The following TYW1B variants were observed in gnomAD, a reference collection of about 807,000 sequenced individuals.
The protein encoded by TYW1B is tRNA-yW synthesizing protein 1 homolog B, also known as S-adenosyl-L-methionine-dependent tRNA 4-demethylwyosine synthase TYW1B.
TYW1B carries 73 observed loss-of-function variants against 86.9 expected under a neutral mutation model. The ratio of observed to expected loss-of-function variants is 0.84; its 90% CI spans 0.70 to 1.02. TYW1B has a LOEUF of 1.02. TYW1B is among the 50% of genes least tolerant of loss of function. The probability of loss-of-function intolerance (pLI) is 0.00; values close to 1 mark genes in which losing one functional copy is unlikely to be tolerated. For missense variants in TYW1B, 637 were observed against 827.4 expected (o/e 0.77, Z 2.82); for synonymous variants, 248 against 292.8 (o/e 0.85, Z 1.56).
At chr7:72,737,588 T>C (rs1280234782) in intron 8 of TYW1B, among the ~76,000 whole-genome samples, 1 of 152,186 alleles carries the variant, frequency 6.6e-6, no homozygotes, top group Non-Finnish European at 1.5e-5. Context: ...TAGTGTAAAC[T>C]GTGAAACAAG....
intron 2 of TYW1B, among the ~76,000 whole-genome samples, chr7:72,824,847 T>C (rs1356163605): frequency 6.6e-6 from 1 of 152,016 alleles, no homozygotes; most frequent in African/African-American, 2.4e-5. Flanking sequence ...CTCACGACTG[T>C]AATCCCAACA....
At chr7:72,785,406 T>C in intron 6 of TYW1B, among the ~76,000 whole-genome samples, 1 of 147,634 alleles carries the variant, frequency 6.8e-6, no homozygotes, top group Middle Eastern at 3.6e-3. Context: ...TATATAATTC[T>C]AATATAATTA....
chr7:72,659,137 G>A (rs1349985076), intron 11 of TYW1B, among the ~76,000 whole-genome samples: 1 of 152,230 alleles, frequency 6.6e-6, no homozygotes, highest in Non-Finnish European at 1.5e-5. Flanking sequence ...GGGGCTAAAT[G>A]TGACAAGAAC....
rs1786952437 is a variant in TYW1B, at chr7:72,723,988, G to GT, written c.1192+4833_1192+4834insA. 4.0e-5 allele frequency among the ~76,000 whole-genome samples: 3 copies of GT among 74,962 alleles called. No individual in the cohort carries two copies. The East Asian group carries it at 7.4e-4, about 18-fold the overall frequency. The allele number at this position is 74,962 out of a possible 152,430, so 49.2% of individuals were successfully genotyped here. A position where few individuals can be genotyped will look rare whatever the true frequency, so the allele number is the denominator to read the frequency against. On this transcript the variant is annotated intron_variant, in intron 9 of 13. Coordinates refer to ENST00000620995, the MANE Select transcript of TYW1B (RefSeq NM_001145440.3). ...ATGCACTTTACCCTTTACTAATTAG[G>GT]GTTTTTTTTTCTTTTCTATTATCAT... is the stretch of plus-strand genomic sequence containing the variant.
Position 72,739,867 on chromosome 7 carries a change from G to C in TYW1B, c.1082+4617C>G, listed in dbSNP as rs4329160. 3.1e-5 allele frequency among the ~76,000 whole-genome samples: 4 copies of C among 130,442 alleles called. No individual in the cohort carries two copies. The East Asian group carries it at 6.3e-4, about 20-fold the overall frequency. 85.6% of individuals were successfully genotyped at this position (130,442 alleles called of 152,430 possible). On this transcript the variant is annotated intron_variant, in intron 8 of 13. Coordinates refer to ENST00000620995, the MANE Select transcript of TYW1B (RefSeq NM_001145440.3). Reference sequence around the variant, plus strand: ...AGAGTCTAAACTTTCACCTCTGCCCGATCTTTAGGCTCAGCACAAGCAGGA... The same window carrying C: ...AGAGTCTAAACTTTCACCTCTGCCCCATCTTTAGGCTCAGCACAAGCAGGA...
At chr7:72,764,408 G>A (rs1554467956) in intron 7 of TYW1B, among the ~76,000 whole-genome samples, 4 of 152,082 alleles carry the variant, frequency 2.6e-5, no homozygotes, top group South Asian at 4.1e-4. Context: ...TCAGCCTCCC[G>A]AGTAGCTGGG....
At position 72,574,699 on chromosome 7, in the gene TYW1B, G is replaced by C; in HGVS notation, c.*799C>G. 1 of 985,424 alleles carries C rather than the reference G, an allele frequency of 1.0e-6. No homozygotes were observed. Among genetic ancestry groups the C allele is most frequent in the South Asian group, 4.7e-5 (1 of 21,280 alleles). 61.0% of individuals were successfully genotyped at this position (985,424 alleles called of 1,614,324 possible). ...AAAGAAGATGGAGACCCGCCGTCTG[G>C]TCGTGATATGAGAGGCCCGGACAGT... On this transcript the variant is annotated 3_prime_UTR_variant, in exon 14 of 14. Transcript: ENST00000620995.
intron 11 of TYW1B, among the ~76,000 whole-genome samples, chr7:72,637,694 A>ATT (rs1563041008): frequency 6.7e-6 from 1 of 149,900 alleles, no homozygotes; most frequent in African/African-American, 2.5e-5. Context: ...TTCTTTTTAA[A>ATT]AAAAAAAAAA....
At chr7:72,741,538 A>C (rs1276391204) in intron 8 of TYW1B, among the ~76,000 whole-genome samples, 1 of 152,186 alleles carries the variant, frequency 6.6e-6, no homozygotes, top group African/African-American at 2.4e-5. Flanking sequence ...TAAAAGTTCC[A>C]GAAGGAGATA....
At chr7:72,718,084 C>G (rs1196196450) in intron 9 of TYW1B, among the ~76,000 whole-genome samples, 1 of 152,116 alleles carries the variant, frequency 6.6e-6, no homozygotes, top group African/African-American at 2.4e-5. Flanking sequence ...AAGTGTCCAT[C>G]AATGGTTGAC....
intron 7 of TYW1B, among the ~76,000 whole-genome samples, chr7:72,767,169 A>C (rs1563087161): frequency 2.6e-5 from 4 of 152,128 alleles, no homozygotes. Context: ...AACCTTACAC[A>C]AAAAAATGCT....
intron 9 of TYW1B, among the ~76,000 whole-genome samples, chr7:72,719,631 C>CA (rs67560586): frequency 0.6 from 39,394 of 65,442 alleles, 11,242 homozygotes; most frequent in Middle Eastern, 0.65. Context: ...ATTCCGTCTC[C>CA]AAAAAAAAAA....
At chr7:72,691,657 T>C (rs1158131777) in intron 11 of TYW1B, among the ~76,000 whole-genome samples, 2 of 152,194 alleles carry the variant, frequency 1.3e-5, no homozygotes, top group African/African-American at 4.8e-5. Flanking sequence ...GGCCTGACTT[T>C]GCAAGCTCCT....
intron 6 of TYW1B, among the ~76,000 whole-genome samples, chr7:72,778,239 C>T (rs1415864956): frequency 1.3e-5 from 2 of 152,090 alleles, no homozygotes; most frequent in African/African-American, 2.4e-5. Context: ...ATAATAGCAA[C>T]AGAGAAGAAA....
At chr7:72,821,718 G>A (rs1300173596) in intron 2 of TYW1B, among the ~76,000 whole-genome samples, 1 of 152,084 alleles carries the variant, frequency 6.6e-6, no homozygotes, top group Admixed American at 6.6e-5. Context: ...TGACAAACTG[G>A]ACATGGGTTG....
At chr7:72,800,415 T>A in intron 6 of TYW1B, among the ~76,000 whole-genome samples, 1 of 151,944 alleles carries the variant, frequency 6.6e-6, no homozygotes, top group African/African-American at 2.4e-5. Flanking sequence ...CTGAGCCTGG[T>A]CCCAAACTTC....
intron 13 of TYW1B, among the ~76,000 whole-genome samples, chr7:72,580,215 G>A (rs1347116703): frequency 2.0e-5 from 3 of 152,090 alleles, no homozygotes; most frequent in African/African-American, 4.8e-5. Flanking sequence ...AATCGGAGAC[G>A]AATCATACTG....
rs1205272200 is a variant in TYW1B, at chr7:72,660,031, C to G, written c.1507-31034G>C. Among the ~76,000 whole-genome samples the G allele has an allele frequency of 3.3e-5, 5 of 152,164 alleles. No homozygotes were observed. The South Asian group carries it at 8.3e-4, about 25-fold the overall frequency. On this transcript the variant is annotated intron_variant, in intron 11 of 13. Transcript: ENST00000620995. ...CAAATGGTCTCTGTGGCAGCTACCC[C>G]ACTCTGCCAGTGTGGCAGGAAAGCA...
intron 10 of TYW1B, among the ~76,000 whole-genome samples, chr7:72,706,473 C>T (rs1554453678): frequency 6.7e-6 from 1 of 148,768 alleles, no homozygotes; most frequent in East Asian, 2.0e-4. Flanking sequence ...TCTCCTCTCT[C>T]AAAAGTTCTT....
Sources: allele counts gnomAD v4.1 joint callset (sites outside exome capture counted in the v4.1 genomes callset), GRCh38; gene constraint gnomAD v4.1.1; transcripts MANE v1.5; gene names NCBI Gene and HGNC (gene_info 2026-07-23, HGNC 2026-07-21).